The following EARS2 variants were observed in gnomAD, a reference collection of about 807,000 sequenced individuals.
EARS2 encodes the protein nondiscriminating glutamyl-tRNA synthetase EARS2, mitochondrial.
In EARS2, 50 loss-of-function variants were observed where a neutral mutation model predicts 54.1. That is an observed-to-expected ratio of 0.92 (90% CI 0.74 to 1.17). The LOEUF is 1.17. Among genes scored for constraint, EARS2 ranks in the 50% most tolerant of loss-of-function variants. The pLI is 0.00. For missense variants in EARS2, 673 were observed against 675.0 expected (o/e 1.00, Z 0.03); for synonymous variants, 298 against 281.0 (o/e 1.06, Z -0.61).
At chr16:23,538,414 C>T (rs1965459897) in intron 3 of EARS2, among the ~76,000 whole-genome samples, 1 of 151,890 alleles carries the variant, frequency 6.6e-6, no homozygotes, top group Admixed American at 6.6e-5. Context: ...GCTGGGATTA[C>T]AGGCGTGAGC....
chr16:23,538,957 A>G (rs1042572386), intron 3 of EARS2, among the ~76,000 whole-genome samples: 22 of 149,066 alleles, frequency 1.5e-4, no homozygotes, highest in Non-Finnish European at 2.7e-4. Flanking sequence ...CATTCTCAAC[A>G]GTTATGGCCC....
At chr16:23,555,996 CATTAT>C (rs1198024230) in intron 1 of EARS2, among the ~76,000 whole-genome samples, 1 of 152,170 alleles carries the variant, frequency 6.6e-6, no homozygotes, top group Non-Finnish European at 1.5e-5. Context: ...TTTTTCTGGT[CATTAT>C]ATTAATTTTG....
intron 2 of EARS2, chr16:23,545,315 A>C: frequency 7.0e-6 from 1 of 143,802 alleles, no homozygotes. Context: ...AAACAAGCCC[A>C]GGCCTGGGAA....
In EARS2 at chr16:23,544,722, T is replaced by C. The variant is rs1349362240; in HGVS notation, c.296-19A>G. ...GGGATGCCTGGAACACAGGGAATAA[T>C]GACAGCTAAGGTGCACACAGCGCTC... On this transcript the variant is annotated intron_variant, in intron 2 of 8. Transcript: ENST00000449606. 1 of 1,587,168 alleles carries C rather than the reference T, an allele frequency of 6.3e-7. No homozygotes were observed. The highest frequency in any genetic ancestry group is 1.8e-5 in the Admixed American group (1 of 55,636).
Position 23,539,009 on chromosome 16 carries a change from A to C in EARS2, c.486-3649T>G, listed in dbSNP as rs1283065365. 4.6e-5 allele frequency among the ~76,000 whole-genome samples: 5 copies of C among 108,328 alleles called. No homozygotes were observed. In the Admixed American group the frequency reaches 5.5e-4, roughly 12 times the overall value. 71.1% of individuals were successfully genotyped at this position (108,328 alleles called of 152,430 possible). ...TTTTTTTTTTTTGAGACAGGGTCTC[A>C]TTCTGTCTCCCAGGCTGGAGTGCAG... On this transcript the variant is annotated intron_variant, in intron 3 of 8. Coordinates refer to ENST00000449606, the MANE Select transcript of EARS2 (RefSeq NM_001083614.2).
chr16:23,540,499 G>A (rs1459022299), intron 3 of EARS2, among the ~76,000 whole-genome samples: 1 of 152,228 alleles, frequency 6.6e-6, no homozygotes, highest in Non-Finnish European at 1.5e-5. Flanking sequence ...CCAGCCACTT[G>A]GCAGTATCCA....
Position 23,543,439 on chromosome 16 carries a change from CA to C in EARS2, c.485+1074del, listed in dbSNP as rs944523125. On this transcript the variant is annotated intron_variant, in intron 3 of 8. Coordinates refer to ENST00000449606, the MANE Select transcript of EARS2 (RefSeq NM_001083614.2). ...TGAAAAAAAACAACAACAACAACAA[CA>C]AAAAAAAAACCAAAAAACCTGATCT... 4.8e-4 allele frequency among the ~76,000 whole-genome samples: 68 copies of C among 142,732 alleles called. 1 individual carries two copies. Among genetic ancestry groups the C allele is most frequent in the African/African-American group, 1.6e-3 (61 of 38,546 alleles). The allele number at this position is 142,732 out of a possible 152,430, so 93.6% of individuals were successfully genotyped here.
chr16:23,536,538 T>A (rs1401666015), intron 3 of EARS2, among the ~76,000 whole-genome samples: 1 of 152,084 alleles, frequency 6.6e-6, no homozygotes, highest in Admixed American at 6.5e-5. Context: ...GGTGCATTCC[T>A]GTAGTCCCAG....
intron 3 of EARS2, among the ~76,000 whole-genome samples, chr16:23,538,555 T>C (rs537443369): frequency 1.3e-5 from 2 of 152,318 alleles, no homozygotes; most frequent in African/African-American, 2.4e-5. Context: ...GTTTTAAATG[T>C]GCATTATTGA....
At chr16:23,526,808 A>G (rs1401127426) in intron 7 of EARS2, among the ~76,000 whole-genome samples, 1 of 152,166 alleles carries the variant, frequency 6.6e-6, no homozygotes, top group Admixed American at 6.5e-5. Flanking sequence ...GCTCTGCCCA[A>G]AAGCTTTTGT....
chr16:23,529,638 G>T lies in EARS2; in HGVS notation c.1222-6C>A. 1 of 1,614,018 alleles carries T rather than the reference G, an allele frequency of 6.2e-7. No homozygotes were observed. The highest frequency in any genetic ancestry group is 2.2e-5 in the East Asian group (1 of 44,878). ...TGCAGGCGGCAAATGTGACCCTGGG[G>T]AAGGAGGCAGTCATTGAATGCACTA... On this transcript the variant is annotated splice_region_variant and splice_polypyrimidine_tract_variant and intron_variant, in intron 6 of 8. Coordinates refer to ENST00000449606, the MANE Select transcript of EARS2 (RefSeq NM_001083614.2).
rs1488722565 is a variant in EARS2, at chr16:23,521,875, T to A, written c.*2496A>T. ...TCTGACAACACTCAGTAGATCAGAG[T>A]TAAGCTTGGACTCTGGATCGGCACA... On this transcript the variant is annotated 3_prime_UTR_variant, in exon 9 of 9. Coordinates refer to ENST00000449606, the MANE Select transcript of EARS2 (RefSeq NM_001083614.2). The A allele has an allele frequency of 2.2e-6, 1 of 455,872 alleles. No individual in the cohort carries two copies. The highest frequency in any genetic ancestry group is 2.4e-5 in the Admixed American group (1 of 42,540). The allele number at this position is 455,872 out of a possible 1,614,324, so 28.2% of individuals were successfully genotyped here. A position where few individuals can be genotyped will look rare whatever the true frequency, so the allele number is the denominator to read the frequency against.
intron 5 of EARS2, 137 bp downstream of exon 5, chr16:23,532,520 G>A: frequency 1.8e-6 from 1 of 570,886 alleles, no homozygotes; most frequent in Non-Finnish European, 3.2e-6. Context: ...AGAGAAAACA[G>A]AGGCTCAAAG....
chr16:23,557,041 C>T, intron 1 of EARS2, 164 bp downstream of exon 1: 2 of 1,050,090 alleles, frequency 1.9e-6, no homozygotes, highest in Non-Finnish European at 2.8e-6. Context: ...ATTATTTCCG[C>T]TCCTGCACCT....
intron 1 of EARS2, among the ~76,000 whole-genome samples, chr16:23,553,476 G>A (rs556188779): frequency 3.5e-4 from 53 of 152,082 alleles, no homozygotes; most frequent in Non-Finnish European, 6.8e-4. Context: ...CATATTGTGG[G>A]CCAGGTGCAG....
chr16:23,525,452 G>T, intron 7 of EARS2, 73 bp from the exon 8 acceptor site: 1 of 1,501,854 alleles, frequency 6.7e-7, no homozygotes, highest in Non-Finnish European at 9.0e-7. Context: ...GGCTTCAGAA[G>T]GTTATTGATC....
rs531002937 is a variant in EARS2 at position 23,539,921 on chromosome 16, G to A, written c.486-4561C>T. On this transcript the variant is annotated intron_variant, in intron 3 of 8. Coordinates refer to ENST00000449606, the MANE Select transcript of EARS2 (RefSeq NM_001083614.2). Reference sequence around the variant, plus strand: ...TCCCAGCACTTTGGGAGGCTGAGGTGGGTGGATCTCCTATGCTCAGGAGTT... The same window carrying A: ...TCCCAGCACTTTGGGAGGCTGAGGTAGGTGGATCTCCTATGCTCAGGAGTT... 3.5e-3 allele frequency among the ~76,000 whole-genome samples: 533 copies of A among 152,206 alleles called. 2 individuals carry two copies. The highest frequency in any genetic ancestry group is 0.012 in the African/African-American group (493 of 41,520).
chr16:23,542,847 G>C (rs1418453811), intron 3 of EARS2, among the ~76,000 whole-genome samples: 1 of 151,798 alleles, frequency 6.6e-6, no homozygotes, highest in Admixed American at 6.6e-5. Context: ...AGGTGCAGTG[G>C]TTCACGCCTG....
chr16:23,527,794 C>T (rs1037937640), intron 7 of EARS2, among the ~76,000 whole-genome samples: 1 of 152,254 alleles, frequency 6.6e-6, no homozygotes, highest in Non-Finnish European at 1.5e-5. Flanking sequence ...ACCTCGTGAT[C>T]GGCCCGCCTG....
Sources: gnomAD v4.1 joint callset for allele counts (sites outside exome capture counted in the v4.1 genomes callset) on GRCh38, gnomAD v4.1.1 for gene constraint, MANE v1.5 for transcripts, NCBI Gene and HGNC (gene_info 2026-07-23, HGNC 2026-07-21) for gene names.